Variants in CLMP observed in about 807,000 individuals in gnomAD.
The protein encoded by CLMP is CXADR-like membrane protein.
CLMP carries 27 observed loss-of-function variants against 45.2 expected under a neutral mutation model. That is an observed-to-expected ratio of 0.60 (90% CI 0.44 to 0.82). The LOEUF (loss-of-function observed/expected upper bound fraction) is 0.82, where lower values mean the gene tolerates loss of function less well. Among genes scored for constraint, CLMP ranks in the 40% least tolerant of loss-of-function variants. CLMP has a pLI of 0.00. For missense variants in CLMP, 403 were observed against 448.4 expected, an observed-to-expected ratio of 0.90 and a Z score of 0.91; for synonymous variants, 167 against 171.4, an observed-to-expected ratio of 0.97 and a Z score of 0.20.
At chr11:123,102,633 TG>T (rs1166771866) in intron 1 of CLMP, among the ~76,000 whole-genome samples, 1 of 147,450 alleles carries the variant, frequency 6.8e-6, no homozygotes, top group African/African-American at 2.5e-5. Context: ...TGGAGTGCAG[TG>T]GCTCGATCTC....
chr11:123,116,025 T>C (rs905196748), intron 1 of CLMP, among the ~76,000 whole-genome samples: 11 of 151,966 alleles, frequency 7.2e-5, no homozygotes, highest in African/African-American at 2.4e-4. Context: ...TGTTAGCAGC[T>C]TTCAATCCTC....
chr11:123,182,676 T>G (rs1415220410), intron 1 of CLMP, among the ~76,000 whole-genome samples: 1 of 152,186 alleles, frequency 6.6e-6, no homozygotes, highest in East Asian at 1.9e-4. Flanking sequence ...TCACACACAG[T>G]CTGGTTTATT....
chr11:123,134,960 T>C (rs536575887), intron 1 of CLMP, among the ~76,000 whole-genome samples: 1 of 152,014 alleles, frequency 6.6e-6, no homozygotes, highest in Admixed American at 6.6e-5. Flanking sequence ...CCTTATTTAC[T>C]TCAAGAACAA....
chr11:123,082,885 G>T (rs1865822134), intron 5 of CLMP, among the ~76,000 whole-genome samples, 200 bp downstream of exon 5: 2 of 152,186 alleles, frequency 1.3e-5, no homozygotes, highest in South Asian at 4.1e-4. Context: ...GGGATTACAG[G>T]TGTGAGCCAC....
At chr11:123,130,550 C>G (rs757406784) in intron 1 of CLMP, among the ~76,000 whole-genome samples, 5 of 152,276 alleles carry the variant, frequency 3.3e-5, no homozygotes, top group Non-Finnish European at 5.9e-5. Flanking sequence ...CTGATGGCCC[C>G]TAAGTGATGT....
intron 5 of CLMP, among the ~76,000 whole-genome samples, chr11:123,075,669 G>C (rs897054942): frequency 3.3e-5 from 5 of 152,080 alleles, no homozygotes; most frequent in Admixed American, 2.6e-4. Context: ...TTACAGGAGT[G>C]AGCCACCGCG....
intron 5 of CLMP, among the ~76,000 whole-genome samples, chr11:123,081,184 CAA>C: frequency 6.8e-6 from 1 of 146,656 alleles, no homozygotes; most frequent in Non-Finnish European, 1.5e-5. Context: ...AAACCAACAA[CAA>C]AAAAAAACAG....
intron 2 of CLMP, among the ~76,000 whole-genome samples, chr11:123,097,468 G>A (rs576043189): frequency 6.6e-6 from 1 of 152,168 alleles, no homozygotes; most frequent in South Asian, 2.1e-4. Context: ...CTCCCAAGTA[G>A]CTAGGTTTAC....
intron 1 of CLMP, among the ~76,000 whole-genome samples, chr11:123,104,617 C>G (rs1413312849): frequency 6.6e-6 from 1 of 151,808 alleles, no homozygotes; most frequent in African/African-American, 2.4e-5. Context: ...AATTCCTGAC[C>G]CCTTATGATC....
At chr11:123,098,739 C>T (rs1259258076) in intron 1 of CLMP, among the ~76,000 whole-genome samples, 1 of 142,244 alleles carries the variant, frequency 7.0e-6, no homozygotes, top group African/African-American at 2.7e-5. Flanking sequence ...TAGAGTCTCG[C>T]TCTGTCACCC....
intron 2 of CLMP, among the ~76,000 whole-genome samples, chr11:123,093,924 A>G (rs969957953): frequency 1.3e-5 from 2 of 152,082 alleles, no homozygotes; most frequent in Non-Finnish European, 2.9e-5. Flanking sequence ...AGCAGTCGTA[A>G]AACTGCTCTG....
intron 1 of CLMP, among the ~76,000 whole-genome samples, chr11:123,106,690 T>C (rs1297030896): frequency 3.9e-5 from 6 of 152,152 alleles, no homozygotes; most frequent in Non-Finnish European, 8.8e-5. Flanking sequence ...GCGCATGGTA[T>C]GTAGCACACA....
intron 1 of CLMP, among the ~76,000 whole-genome samples, chr11:123,170,693 G>A (rs767680736): frequency 3.9e-5 from 6 of 152,030 alleles, no homozygotes; most frequent in Non-Finnish European, 7.4e-5. Context: ...CACCCCGCTC[G>A]GCCTCCCAAT....
chr11:123,108,660 AAGG>A (rs1223817918), intron 1 of CLMP, among the ~76,000 whole-genome samples: 1 of 152,074 alleles, frequency 6.6e-6, no homozygotes, highest in Non-Finnish European at 1.5e-5. Context: ...GAGAAGGAAA[AAGG>A]AGGAGAGTGG....
At chr11:123,156,397 G>T (rs1861415240) in intron 1 of CLMP, among the ~76,000 whole-genome samples, 1 of 152,240 alleles carries the variant, frequency 6.6e-6, no homozygotes, top group African/African-American at 2.4e-5. Context: ...GTCTTCAGAG[G>T]ACTGTAGCCC....
intron 1 of CLMP, among the ~76,000 whole-genome samples, chr11:123,179,923 C>T (rs1861747568): frequency 6.6e-6 from 1 of 152,224 alleles, no homozygotes; most frequent in African/African-American, 2.4e-5. Flanking sequence ...ACCAGTAACA[C>T]TGGCTAGGAA....
In CLMP at chr11:123,083,190, G is replaced by A. The variant is rs1394600425; in HGVS notation, c.574C>T (p.Arg192Ter). The change falls in exon 5 of 7, where the codon CGA becomes TGA. Residue 192 changes from arginine to a stop codon, truncating the protein, a stop_gained. Coordinates refer to ENST00000448775, the MANE Select transcript of CLMP (RefSeq NM_024769.5). LOFTEE classifies it high-confidence loss of function. ...KSRIDYNHPG[R>*]VLLQNLTMSY... ...ATGGTAAGATTCTGCAGCAGAACTC[G>A]TCCAGGGTGGTTGTAGTCTGCACAA... 1.9e-6 allele frequency: 3 copies of A among 1,613,984 alleles called. No individual in the cohort carries two copies. Among genetic ancestry groups the A allele is most frequent in the Non-Finnish European group, 2.5e-6 (3 of 1,179,946 alleles).
At chr11:123,089,394 G>GCATACACAT (rs1217012229) in intron 2 of CLMP, among the ~76,000 whole-genome samples, 1 of 151,700 alleles carries the variant, frequency 6.6e-6, no homozygotes, top group African/African-American at 2.4e-5. Context: ...TCATGACACA[G>GCATACACAT]CATACACATA....
At chr11:123,171,885 C>A (rs1861640231) in intron 1 of CLMP, among the ~76,000 whole-genome samples, 1 of 152,048 alleles carries the variant, frequency 6.6e-6, no homozygotes, top group Admixed American at 6.5e-5. Flanking sequence ...ATAATAAGGA[C>A]AAAAATAATG....
Sources: allele counts gnomAD v4.1 joint callset (sites outside exome capture counted in the v4.1 genomes callset), GRCh38; gene constraint gnomAD v4.1.1; transcripts MANE v1.5; gene names NCBI Gene and HGNC (gene_info 2026-07-23, HGNC 2026-07-21).